Variants in LRPAP1 observed in about 807,000 individuals in gnomAD.
LRPAP1 encodes LDL receptor related protein associated protein 1.
LRPAP1 carries 41 observed loss-of-function variants against 39.9 expected under a neutral mutation model. The ratio of observed to expected loss-of-function variants is 1.03; its 90% CI spans 0.80 to 1.33. LRPAP1 has a LOEUF of 1.33. LRPAP1 is among the 40% of genes most tolerant of loss of function. LRPAP1 has a pLI of 0.00. For synonymous variants in LRPAP1, 263 were observed against 212.7 expected (o/e 1.24, Z -2.06); for missense variants, 565 against 482.3 (o/e 1.17, Z -1.61).
intron 1 of LRPAP1, 143 bp downstream of exon 1, chr4:3,532,066 G>C (rs938045666): frequency 2.2e-6 from 2 of 896,398 alleles, no homozygotes; most frequent in African/African-American, 3.5e-5. Flanking sequence ...ACTTGGGGGA[G>C]GCTGTGCCAA....
chr4:3,525,289 C>T (rs1577210623), intron 1 of LRPAP1: 1 of 531,990 alleles, frequency 1.9e-6, no homozygotes, highest in East Asian at 3.2e-5. Context: ...ATCGGGGGCT[C>T]CCCACCAGCA....
At position 3,516,110 on chromosome 4, in the gene LRPAP1, C is replaced by T; in HGVS notation, c.834+6G>A. ...GAGCTAGAAGGAGAGGGCCGTGTTT[C>T]CTTACCCGGAACGCCTCCAGCTCCT... On this transcript the variant is annotated splice_donor_region_variant and intron_variant, in intron 6 of 7. Coordinates refer to ENST00000650182, the MANE Select transcript of LRPAP1 (RefSeq NM_002337.4). 1 of 1,567,574 alleles carries T rather than the reference C, an allele frequency of 6.4e-7. No individual in the cohort carries two copies. The highest frequency in any genetic ancestry group is 8.7e-7 in the Non-Finnish European group (1 of 1,155,494).
chr4:3,532,117 C>G (rs1007427095), intron 1 of LRPAP1, 92 bp downstream of exon 1: 7 of 1,395,122 alleles, frequency 5.0e-6, no homozygotes, highest in Non-Finnish European at 4.9e-6. Flanking sequence ...GCTGCGCCCC[C>G]CTCCGCCTCC....
chr4:3,509,735 C>G lies in LRPAP1; in HGVS notation c.*3239G>C, dbSNP rs1198953331. 3.9e-5 allele frequency: 1 copy of G among 25,700 alleles called. No homozygotes were observed. The highest frequency in any genetic ancestry group is 1.6e-4 in the African/African-American group (1 of 6,168). 1.6% of individuals were successfully genotyped at this position (25,700 alleles called of 1,614,324 possible). ...ACACTGGAGACTGCTGAGACGCCGA[C>G]TGGAGTCACACACGGCAGTCAACGC... is the stretch of plus-strand genomic sequence containing the variant. On this transcript the variant is annotated 3_prime_UTR_variant, in exon 8 of 8. Transcript: ENST00000650182.
At chr4:3,525,136 A>C in intron 1 of LRPAP1, 85 bp from the exon 2 acceptor site, 1 of 1,528,402 alleles carries the variant, frequency 6.5e-7, no homozygotes, top group South Asian at 1.1e-5. Context: ...GAGGCTGGCC[A>C]CCGGGAGGTT....
chr4:3,508,537 C>T lies in LRPAP1; in HGVS notation c.*4437G>A, dbSNP rs1729418958. ...AGCCCAGTGTCCCTCAAGAGCATTCCTACACAGGAGGTCCTTAGCCCGGTA... is the reference window on the plus strand; with the variant it reads ...AGCCCAGTGTCCCTCAAGAGCATTCTTACACAGGAGGTCCTTAGCCCGGTA... On this transcript the variant is annotated 3_prime_UTR_variant, in exon 8 of 8. Coordinates refer to ENST00000650182, the MANE Select transcript of LRPAP1 (RefSeq NM_002337.4). 6.6e-6 allele frequency: 1 copy of T among 152,150 alleles called. No homozygotes were observed. The allele number at this position is 152,150 out of a possible 1,614,324, so 9.4% of individuals were successfully genotyped here.
At chr4:3,528,187 C>A (rs1327806335) in intron 1 of LRPAP1, among the ~76,000 whole-genome samples, 2 of 152,230 alleles carry the variant, frequency 1.3e-5, no homozygotes, top group African/African-American at 4.8e-5. Context: ...GTTAGAAGTA[C>A]CCTGTGGAAA....
chr4:3,525,645 G>A (rs73197148), intron 1 of LRPAP1, among the ~76,000 whole-genome samples: 2,898 of 152,180 alleles, frequency 0.019, 44 homozygotes, highest in Middle Eastern at 0.079. Context: ...CACAGGCAGC[G>A]CCCCGGAACG....
chr4:3,513,523 G>T (rs1207701190), intron 7 of LRPAP1, among the ~76,000 whole-genome samples: 1 of 152,116 alleles, frequency 6.6e-6, no homozygotes, highest in Non-Finnish European at 1.5e-5. Flanking sequence ...TGCCCAGGCT[G>T]GTCTCGAACT....
rs1352343277 is a variant in LRPAP1, at chr4:3,516,187, G to A, written c.763C>T (p.Pro255Ser). The change falls in exon 6 of 8, where the codon CCC becomes TCC. Residue 255 changes from proline (P) to serine (S), a missense_variant. Physicochemically the swap from Pro to Ser is moderately conservative, Grantham distance 74. Coordinates refer to ENST00000650182, the MANE Select transcript of LRPAP1 (RefSeq NM_002337.4). The stretch of plus-strand genomic sequence containing the variant: ...AGGTCCCACAGGTCAATCACCCTGG[G>A]CTCCTCGAACTCTGCAGGGGAGGAG... ...GYSTEAEFEEPRVIDLWDLAQ... is the reference protein window; with the variant it reads ...GYSTEAEFEESRVIDLWDLAQ... 2 of 1,574,490 alleles carry A rather than the reference G, an allele frequency of 1.3e-6. No individual in the cohort carries two copies. The highest frequency in any genetic ancestry group is 1.7e-6 in the Non-Finnish European group (2 of 1,160,262).
At chr4:3,518,500 ATTTT>A (rs1409354012) in intron 4 of LRPAP1, among the ~76,000 whole-genome samples, 3 of 151,948 alleles carry the variant, frequency 2.0e-5, no homozygotes, top group Admixed American at 1.3e-4. Flanking sequence ...GTCACCCTCC[ATTTT>A]ACTCCAGCTT....
At chr4:3,530,086 A>G (rs1442956845) in intron 1 of LRPAP1, among the ~76,000 whole-genome samples, 2 of 152,196 alleles carry the variant, frequency 1.3e-5, no homozygotes, top group East Asian at 3.9e-4. Flanking sequence ...TGGGGTAAGA[A>G]GCCGACTGGA....
At chr4:3,523,000 C>G (rs1324493025) in intron 2 of LRPAP1, among the ~76,000 whole-genome samples, 1 of 152,120 alleles carries the variant, frequency 6.6e-6, no homozygotes, top group Non-Finnish European at 1.5e-5. Context: ...CTGGCCAGGA[C>G]GAGCCTCTTT....
chr4:3,518,733 G>T, intron 4 of LRPAP1, 138 bp downstream of exon 4: 1 of 603,370 alleles, frequency 1.7e-6, no homozygotes, highest in Non-Finnish European at 2.8e-6. Context: ...AGGGCGTCTG[G>T]TGCCGCCTCC....
rs1794432 is a variant in LRPAP1, at chr4:3,512,027, G to C, written c.*947C>G. 8.4e-5 allele frequency: 2 copies of C among 23,694 alleles called. No individual in the cohort carries two copies. Among genetic ancestry groups the C allele is most frequent in the Non-Finnish European group, 1.6e-4 (2 of 12,362 alleles). The allele number at this position is 23,694 out of a possible 1,614,324, so 1.5% of individuals were successfully genotyped here. A position where few individuals can be genotyped will look rare whatever the true frequency, so the allele number is the denominator to read the frequency against. ...GGAGCCGGACCCGAGCCTCTTCCAG[G>C]CTCAGACACGGGAAGGGAACCACGC... On this transcript the variant is annotated 3_prime_UTR_variant, in exon 8 of 8. Transcript: ENST00000650182.
chr4:3,511,278 A>C lies in LRPAP1; in HGVS notation c.*1696T>G, dbSNP rs548046018. ...CGAGTGTTCACCACAGCTATTTCCA[A>C]GTGAGTGTTATTACCCCAGAAAGGA... is the stretch of plus-strand genomic sequence containing the variant. On this transcript the variant is annotated 3_prime_UTR_variant, in exon 8 of 8. Coordinates refer to ENST00000650182, the MANE Select transcript of LRPAP1 (RefSeq NM_002337.4). 6.8e-6 allele frequency: 1 copy of C among 147,774 alleles called. No individual in the cohort carries two copies. Among genetic ancestry groups the C allele is most frequent in the Admixed American group, 7.0e-5 (1 of 14,348 alleles). 9.2% of individuals were successfully genotyped at this position (147,774 alleles called of 1,614,324 possible). A position where few individuals can be genotyped will look rare whatever the true frequency, so the allele number is the denominator to read the frequency against.
intron 2 of LRPAP1, among the ~76,000 whole-genome samples, chr4:3,522,393 G>A (rs1729936176): frequency 6.6e-6 from 1 of 152,252 alleles, no homozygotes; most frequent in African/African-American, 2.4e-5. Flanking sequence ...TCTGGATTCT[G>A]GAGGTGCTGG....
chr4:3,532,161 C>A, intron 1 of LRPAP1, 48 bp downstream of exon 1: 1 of 1,539,670 alleles, frequency 6.5e-7, no homozygotes, highest in South Asian at 1.2e-5. Context: ...ACCCCAACCA[C>A]GGCCCCCGCC....
chr4:3,517,446 G>A (rs1406082616), intron 5 of LRPAP1, among the ~76,000 whole-genome samples: 1 of 152,258 alleles, frequency 6.6e-6, no homozygotes, highest in Non-Finnish European at 1.5e-5. Context: ...GCACGTGGAG[G>A]ATGAGGTACA....
Sources: allele counts gnomAD v4.1 joint callset (sites outside exome capture counted in the v4.1 genomes callset), GRCh38; gene constraint gnomAD v4.1.1; transcripts MANE v1.5; gene names NCBI Gene and HGNC (gene_info 2026-07-23, HGNC 2026-07-21).